Variants in CCDC14 observed in about 807,000 individuals in gnomAD.
The protein encoded by CCDC14 is coiled-coil domain containing 14, also known as coiled-coil domain-containing protein 14.
In CCDC14, 71 loss-of-function variants were observed where a neutral mutation model predicts 81.4. The ratio of observed to expected loss-of-function variants is 0.87; its 90% CI spans 0.72 to 1.06. The LOEUF (loss-of-function observed/expected upper bound fraction) is 1.06. Among genes scored for constraint, CCDC14 ranks in the 50% least tolerant of loss-of-function variants. The pLI, the probability that CCDC14 is intolerant of heterozygous loss-of-function variation, is 0.00. For missense variants in CCDC14, 1,046 were observed against 1,047.3 expected, an observed-to-expected ratio of 1.00 and a Z score of 0.02; for synonymous variants, 332 against 364.8, an observed-to-expected ratio of 0.91 and a Z score of 1.03.
At chr3:123,952,626 G>C (rs535801597) in intron 5 of CCDC14, 1 of 529,830 alleles carries the variant, frequency 1.9e-6, no homozygotes, top group South Asian at 1.4e-5. Flanking sequence ...GATCAGGTAG[G>C]CATTCAATGA....
chr3:123,950,303 T>C (rs956988691), intron 5 of CCDC14, among the ~76,000 whole-genome samples: 8 of 152,246 alleles, frequency 5.3e-5, no homozygotes, highest in African/African-American at 1.7e-4. Context: ...CCAATAGAAA[T>C]GAGTGCTTAT....
intron 9 of CCDC14, among the ~76,000 whole-genome samples, chr3:123,934,011 G>A (rs1221861322): frequency 6.6e-6 from 1 of 152,006 alleles, no homozygotes; most frequent in Non-Finnish European, 1.5e-5. Flanking sequence ...GGTGGCTCAC[G>A]CCTGTAATCC....
intron 8 of CCDC14, among the ~76,000 whole-genome samples, chr3:123,945,571 T>C (rs2036584074): frequency 1.3e-5 from 2 of 152,134 alleles, no homozygotes; most frequent in African/African-American, 4.8e-5. Flanking sequence ...GTAGATGTTT[T>C]TGGAGATTGC....
At chr3:123,897,904 T>C (rs1460249736) in intron 5 of CCDC14, among the ~76,000 whole-genome samples, 4 of 152,190 alleles carry the variant, frequency 2.6e-5, no homozygotes, top group Admixed American at 6.5e-5. Context: ...GAGAAATCTA[T>C]CTACTGTATA....
chr3:123,896,786 C>T (rs962748983), downstream of CCDC14, among the ~76,000 whole-genome samples: 8 of 152,184 alleles, frequency 5.3e-5, no homozygotes, highest in African/African-American at 1.9e-4. Flanking sequence ...CACTGATTTT[C>T]TGTACTTTAA....
intron 12 of CCDC14, among the ~76,000 whole-genome samples, chr3:123,926,596 T>TA (rs2035377097): frequency 6.7e-6 from 1 of 148,314 alleles, no homozygotes; most frequent in Non-Finnish European, 1.5e-5. Context: ...ATTATTTAAA[T>TA]TAATATTTAA....
At chr3:123,943,962 A>T (rs2036494544) in intron 9 of CCDC14, among the ~76,000 whole-genome samples, 1 of 152,144 alleles carries the variant, frequency 6.6e-6, no homozygotes, top group South Asian at 2.1e-4. Context: ...CCAAAGAAGG[A>T]GGTCAAGGGA....
the CCDC14 span, among the ~76,000 whole-genome samples, chr3:123,891,576 A>T: frequency 6.6e-6 from 1 of 152,210 alleles, no homozygotes; most frequent in Non-Finnish European, 1.5e-5. Context: ...AACAAGAGTC[A>T]CATTTGCTCC....
At chr3:123,905,252 T>C (rs1381572875) in intron 5 of CCDC14, among the ~76,000 whole-genome samples, 1 of 152,172 alleles carries the variant, frequency 6.6e-6, no homozygotes, top group Non-Finnish European at 1.5e-5. Context: ...AGTGGGTATA[T>C]AGGAAATGTC....
rs2037318977 is a variant in CCDC14, at chr3:123,956,184, T to C, written c.160-69A>G. 7.1e-6 allele frequency: 10 copies of C among 1,402,878 alleles called. No individual in the cohort carries two copies. In the South Asian group the frequency reaches 9.6e-5, roughly 14 times the overall value. The allele number at this position is 1,402,878 out of a possible 1,614,324, so 86.9% of individuals were successfully genotyped here. ...TTAGTGTAGGAAAAAATATAAATTATGTAGTTTTAAAATTTGTTTATTTAC... is the reference window on the plus strand; with the variant it reads ...TTAGTGTAGGAAAAAATATAAATTACGTAGTTTTAAAATTTGTTTATTTAC... On this transcript the variant is annotated intron_variant, in intron 3 of 12. Transcript: ENST00000409697.
chr3:123,935,698 G>A (rs1559785863), intron 9 of CCDC14, among the ~76,000 whole-genome samples: 1 of 152,194 alleles, frequency 6.6e-6, no homozygotes, highest in Non-Finnish European at 1.5e-5. Flanking sequence ...ATAAAATTCT[G>A]ATTTTCTTTA....
chr3:123,945,022 A>G lies in CCDC14; in HGVS notation c.1202-32T>C, dbSNP rs751186914. 10 of 1,494,496 alleles carry G rather than the reference A, an allele frequency of 6.7e-6. No individual in the cohort carries two copies. In the African/African-American group the frequency reaches 1.2e-4, roughly 19 times the overall value. The allele number at this position is 1,494,496 out of a possible 1,614,324, so 92.6% of individuals were successfully genotyped here. A position where few individuals can be genotyped will look rare whatever the true frequency, so the allele number is the denominator to read the frequency against. ...AAGGCAACAGAAATGAGTAAAATCA[A>G]TATTATATTTTTGGACAAGATTATT... On this transcript the variant is annotated intron_variant, in intron 8 of 12. Transcript: ENST00000409697.
intron 9 of CCDC14, among the ~76,000 whole-genome samples, chr3:123,940,205 C>T (rs1239629551): frequency 6.6e-6 from 1 of 151,818 alleles, no homozygotes; most frequent in African/African-American, 2.4e-5. Flanking sequence ...TACTTAAGTT[C>T]TAGTGGACTA....
At chr3:123,925,012 A>T (rs2035280950) in intron 12 of CCDC14, among the ~76,000 whole-genome samples, 1 of 151,734 alleles carries the variant, frequency 6.6e-6, no homozygotes, top group African/African-American at 2.4e-5. Context: ...GAGTATGGGC[A>T]TTGTAGCATT....
At chr3:123,888,761 T>C in the CCDC14 span, among the ~76,000 whole-genome samples, 1 of 152,162 alleles carries the variant, frequency 6.6e-6, no homozygotes, top group Non-Finnish European at 1.5e-5. Flanking sequence ...CTTATTATCA[T>C]GAGAACAGCA....
chr3:123,928,333 T>TAAAAA (rs36006823), intron 12 of CCDC14, among the ~76,000 whole-genome samples: 2 of 76,366 alleles, frequency 2.6e-5, no homozygotes, highest in African/African-American at 6.0e-5. Flanking sequence ...CAGTCTCTAC[T>TAAAAA]AAAAAAAAAA....
At chr3:123,928,333 TAAAAAA>T (rs36006823) in intron 12 of CCDC14, among the ~76,000 whole-genome samples, 1 of 76,374 alleles carries the variant, frequency 1.3e-5, no homozygotes, top group Non-Finnish European at 2.3e-5. Context: ...CAGTCTCTAC[TAAAAAA>T]AAAAAAAAAA....
At chr3:123,916,735 TA>T (rs2034721994) in intron 12 of CCDC14, among the ~76,000 whole-genome samples, 1 of 152,144 alleles carries the variant, frequency 6.6e-6, no homozygotes, top group African/African-American at 2.4e-5. Context: ...GAAGATTAAA[TA>T]AGATAAAATA....
chr3:123,943,356 A>C (rs1172631775), intron 9 of CCDC14, among the ~76,000 whole-genome samples: 2 of 152,038 alleles, frequency 1.3e-5, no homozygotes, highest in African/African-American at 4.8e-5. Flanking sequence ...AGGCCTCAGA[A>C]GCAGGCCTCA....
Sources: allele counts gnomAD v4.1 joint callset (sites outside exome capture counted in the v4.1 genomes callset), GRCh38; gene constraint gnomAD v4.1.1; transcripts MANE v1.5; gene names NCBI Gene and HGNC (gene_info 2026-07-23, HGNC 2026-07-21).